The following CGNL1 variants were observed in gnomAD, a reference collection of about 807,000 sequenced individuals.
The protein encoded by CGNL1 is cingulin like 1, also known as cingulin-like protein 1.
Under a neutral mutation model 141.2 loss-of-function variants are expected in CGNL1, and 132 were observed. The ratio of observed to expected loss-of-function variants is 0.93; its 90% CI spans 0.81 to 1.08. The LOEUF is 1.08. CGNL1 is among the 50% of genes least tolerant of loss of function. CGNL1 has a pLI of 0.00. For synonymous variants in CGNL1, 690 were observed against 622.1 expected, an observed-to-expected ratio of 1.11 and a Z score of -1.63; for missense variants, 1,870 against 1,588.6, an observed-to-expected ratio of 1.18 and a Z score of -3.01.
rs2032937811 is a variant in CGNL1, at chr15:57,547,565, G to C, written c.*75G>C. On this transcript the variant is annotated 3_prime_UTR_variant, in exon 19 of 19. Transcript: ENST00000281282. ...CCACCCAAAGTGGGAGGCAGGGAGG[G>C]GAGCATCTGTCTGCCACTGAGACCA... 3 of 1,536,642 alleles carry C rather than the reference G, an allele frequency of 2.0e-6. No individual in the cohort carries two copies. The African/African-American group carries it at 4.1e-5, about 21-fold the overall frequency.
chr15:57,439,700 T>C, intron 2 of CGNL1, 99 bp downstream of exon 2: 2 of 1,168,166 alleles, frequency 1.7e-6, no homozygotes, highest in Non-Finnish European at 2.4e-6. Context: ...TTACACATCC[T>C]CAATCTTGTA....
In CGNL1 at chr15:57,440,336, A is replaced by T. The variant is rs2063170447; in HGVS notation, c.1603-41A>T. The T allele has an allele frequency of 3.4e-6, 5 of 1,452,076 alleles. No individual in the cohort carries two copies. In the South Asian group the frequency reaches 4.8e-5, roughly 14 times the overall value. The allele number at this position is 1,452,076 out of a possible 1,614,324, so 89.9% of individuals were successfully genotyped here. A position where few individuals can be genotyped will look rare whatever the true frequency, so the allele number is the denominator to read the frequency against. On this transcript the variant is annotated intron_variant, in intron 2 of 18. Transcript: ENST00000281282. ...TGTTTGGTGTTTGGAAGCCTCTGGG[A>T]ACTTCATCCTCATGGTCTAACAACA...
intron 1 of CGNL1, among the ~76,000 whole-genome samples, chr15:57,394,957 C>T (rs1181998191): frequency 1.3e-5 from 2 of 152,124 alleles, no homozygotes; most frequent in Non-Finnish European, 2.9e-5. Flanking sequence ...ACTAAAAATA[C>T]AAAAATTAGC....
In CGNL1 at chr15:57,526,318, G is replaced by C. The variant is rs957505581; in HGVS notation, c.3039+1567G>C. ...CTCATCATTCTGCAGGGAAACTGCA[G>C]TGAGATACCACCCTTGACTAAGTTG... On this transcript the variant is annotated intron_variant, in intron 12 of 18. Transcript: ENST00000281282. Among the ~76,000 whole-genome samples the C allele has an allele frequency of 2.6e-5, 4 of 152,188 alleles. 1 individual carries two copies. Among genetic ancestry groups the C allele is most frequent in the Non-Finnish European group, 5.9e-5 (4 of 68,034 alleles).
chr15:57,410,747 T>G (rs140656343), intron 1 of CGNL1, among the ~76,000 whole-genome samples: 1 of 152,380 alleles, frequency 6.6e-6, no homozygotes, highest in African/African-American at 2.4e-5. Context: ...AATTTTCTCA[T>G]GCTTATGAGG....
At position 57,439,412 on chromosome 15, in the gene CGNL1, G is replaced by T; in HGVS notation, c.1413G>T (p.Leu471=). ...PPQPNIDGKV[L]ETEGSQESTV... ...AGCCGAACATAGATGGGAAAGTTCT[G>T]GAAACCGAAGGTAGTCAGGAAAGTA... The change falls in exon 2 of 19, where the codon CTG becomes CTT. Residue 471 remains leucine (L), a synonymous_variant. Coordinates refer to ENST00000281282, the MANE Select transcript of CGNL1 (RefSeq NM_032866.5). The T allele has an allele frequency of 6.2e-7, 1 of 1,614,150 alleles. No individual in the cohort carries two copies. The highest frequency in any genetic ancestry group is 8.5e-7 in the Non-Finnish European group (1 of 1,180,014).
At chr15:57,520,471 T>A (rs2031176572) in intron 10 of CGNL1, among the ~76,000 whole-genome samples, 2 of 152,218 alleles carry the variant, frequency 1.3e-5, no homozygotes, top group African/African-American at 4.8e-5. Flanking sequence ...GGTAAATTTA[T>A]GTCTGATTTA....
chr15:57,464,196 C>A (rs530081790), intron 8 of CGNL1, among the ~76,000 whole-genome samples: 1 of 151,922 alleles, frequency 6.6e-6, no homozygotes, highest in East Asian at 1.9e-4. Context: ...GGGACTGTGA[C>A]AAGCTGGCTG....
At chr15:57,490,118 G>A (rs866378029) in intron 8 of CGNL1, among the ~76,000 whole-genome samples, 1 of 151,962 alleles carries the variant, frequency 6.6e-6, no homozygotes, top group Admixed American at 6.6e-5. Flanking sequence ...ACTTGAAATA[G>A]TGAAAAAAAA....
intron 3 of CGNL1, among the ~76,000 whole-genome samples, 192 bp from the exon 4 acceptor site, chr15:57,442,181 T>TAAAAAAAAAA (rs1567120591): frequency 1.0e-3 from 21 of 20,558 alleles, no homozygotes; most frequent in East Asian, 2.5e-3. Context: ...ATCATTTATT[T>TAAAAAAAAAA]GAAAAAAAAA....
At chr15:57,388,719 A>T (rs2062510482) in intron 1 of CGNL1, among the ~76,000 whole-genome samples, 3 of 152,260 alleles carry the variant, frequency 2.0e-5, no homozygotes, top group Admixed American at 2.0e-4. Flanking sequence ...TGACTCGCAG[A>T]TGGAGAAATT....
At position 57,461,796 on chromosome 15, in the gene CGNL1, A is replaced by C. The variant is rs774398307; in HGVS notation, c.2307A>C (p.Glu769Asp). 1 of 1,614,146 alleles carries C rather than the reference A, an allele frequency of 6.2e-7. No homozygotes were observed. The highest frequency in any genetic ancestry group is 8.5e-7 in the Non-Finnish European group (1 of 1,180,020). ...ELTALKGALKEEVSSHDQEMD... is the reference protein window; with the variant it reads ...ELTALKGALKDEVSSHDQEMD... ...CCGCCCTGAAGGGAGCCCTGAAAGA[A>C]GAGGTTTCCAGCCATGATCAGGAGA... Residue 769 changes from glutamate (E) to aspartate (D), a missense_variant, in exon 8 of 19, where the codon GAA becomes GAC. Coordinates refer to ENST00000281282, the MANE Select transcript of CGNL1 (RefSeq NM_032866.5).
At chr15:57,452,588 A>G (rs1199883951) in intron 6 of CGNL1, among the ~76,000 whole-genome samples, 1 of 152,214 alleles carries the variant, frequency 6.6e-6, no homozygotes, top group Non-Finnish European at 1.5e-5. Flanking sequence ...CTGAGCGCTG[A>G]TACTGAAAGA....
At chr15:57,512,853 A>G (rs1277392601) in intron 8 of CGNL1, among the ~76,000 whole-genome samples, 4 of 151,916 alleles carry the variant, frequency 2.6e-5, no homozygotes, top group East Asian at 1.9e-4. Flanking sequence ...TCCCCTCTCT[A>G]ACACCTCAGC....
chr15:57,435,611 T>A (rs1457311055), intron 1 of CGNL1, among the ~76,000 whole-genome samples: 1 of 152,124 alleles, frequency 6.6e-6, no homozygotes, highest in African/African-American at 2.4e-5. Flanking sequence ...TGTACCTCTC[T>A]GAGTTGTTCC....
intron 14 of CGNL1, among the ~76,000 whole-genome samples, chr15:57,543,136 T>G (rs28489568): frequency 0.014 from 2,135 of 152,280 alleles, 51 homozygotes; most frequent in African/African-American, 0.049. Flanking sequence ...AGGGAAATGA[T>G]TCCTTGCCTC....
At chr15:57,466,279 C>T (rs1280378) in intron 8 of CGNL1, among the ~76,000 whole-genome samples, 148,796 of 152,300 alleles carry the variant, frequency 0.98, 72,713 homozygotes, top group Non-Finnish European at 0.98. Flanking sequence ...TCCTTGGGTT[C>T]GTGGCCATGG....
intron 8 of CGNL1, among the ~76,000 whole-genome samples, chr15:57,507,863 C>A (rs113191193): frequency 6.6e-6 from 1 of 152,200 alleles, no homozygotes; most frequent in Non-Finnish European, 1.5e-5. Context: ...ATTCTAGAAT[C>A]CCAGACTGTT....
chr15:57,491,813 A>G (rs2063867290), intron 8 of CGNL1, among the ~76,000 whole-genome samples: 1 of 152,196 alleles, frequency 6.6e-6, no homozygotes, highest in Non-Finnish European at 1.5e-5. Flanking sequence ...CTTTAAAAAT[A>G]TGTTCATCCC....
Sources: allele counts gnomAD v4.1 joint callset (sites outside exome capture counted in the v4.1 genomes callset), GRCh38; gene constraint gnomAD v4.1.1; transcripts MANE v1.5; gene names NCBI Gene and HGNC (gene_info 2026-07-23, HGNC 2026-07-21).